The following NUP155 variants were observed in gnomAD, a reference collection of about 807,000 sequenced individuals.
The protein encoded by NUP155 is nuclear pore complex protein Nup155.
NUP155 carries 71 observed loss-of-function variants against 180.4 expected under a neutral mutation model. The ratio of observed to expected loss-of-function variants is 0.39; its 90% CI spans 0.33 to 0.48. The LOEUF (loss-of-function observed/expected upper bound fraction) is 0.48, where lower values mean the gene tolerates loss of function less well. Ranked by LOEUF, NUP155 falls within the 20% of genes least tolerant of loss-of-function variation. NUP155 has a pLI of 0.91. For missense variants in NUP155, 1,553 were observed against 1,648.9 expected, an observed-to-expected ratio of 0.94 and a Z score of 1.01; for synonymous variants, 582 against 559.5, an observed-to-expected ratio of 1.04 and a Z score of -0.57.
At chr5:37,325,349 C>G (rs750223563) in intron 19 of NUP155, among the ~76,000 whole-genome samples, 2 of 152,112 alleles carry the variant, frequency 1.3e-5, no homozygotes. Flanking sequence ...CCTTCTTTTA[C>G]CATGAGGTAT....
intron 10 of NUP155, among the ~76,000 whole-genome samples, chr5:37,342,010 T>C (rs1178423844): frequency 6.6e-6 from 1 of 152,234 alleles, no homozygotes; most frequent in African/African-American, 2.4e-5. Flanking sequence ...TGTCAGCCAC[T>C]GCGCCTTTTA....
At chr5:37,342,772 T>A in intron 9 of NUP155, 126 bp from the exon 10 acceptor site, 1 of 678,658 alleles carries the variant, frequency 1.5e-6, no homozygotes, top group South Asian at 1.6e-5. Context: ...AGTCTCACTC[T>A]GTCACCCAGG....
At chr5:37,314,164 A>C in intron 22 of NUP155, 34 bp downstream of exon 22, 1 of 1,468,512 alleles carries the variant, frequency 6.8e-7, no homozygotes, top group Non-Finnish European at 9.5e-7. Context: ...ACATAGTATT[A>C]ATGGTATAAT....
At chr5:37,331,562 G>A (rs961909032) in intron 14 of NUP155, 123 bp downstream of exon 14, 7 of 488,554 alleles carry the variant, frequency 1.4e-5, no homozygotes, top group South Asian at 6.3e-5. Flanking sequence ...CAACAAGAGC[G>A]AAACTCCATC....
In NUP155 at chr5:37,288,778, G is replaced by GTGGGGGGGA. The variant is rs1742122811; in HGVS notation, c.*3121_*3122insTCCCCCCCA. 7.6e-6 allele frequency: 1 copy of GTGGGGGGGA among 130,780 alleles called. No homozygotes were observed. Among genetic ancestry groups the GTGGGGGGGA allele is most frequent in the Non-Finnish European group, 1.7e-5 (1 of 59,642 alleles). 8.1% of individuals were successfully genotyped at this position (130,780 alleles called of 1,614,324 possible). On this transcript the variant is annotated 3_prime_UTR_variant, in exon 35 of 35. Transcript: ENST00000231498. ...AAAAAAAAAAAAAAAAGTAGGGGGG[G>GTGGGGGGGA]TGGGGCTAGGCGCAGTGGCTCATGC... is the stretch of plus-strand genomic sequence containing the variant.
In NUP155 at chr5:37,332,313, C is replaced by CTTTTTTT. The variant is rs1021002313; in HGVS notation, c.1519-525_1519-519dup. On this transcript the variant is annotated intron_variant, in intron 13 of 34. Coordinates refer to ENST00000231498, the MANE Select transcript of NUP155 (RefSeq NM_153485.3). ...GCAATTGAGGTTTCTGCCATTACAGCTTTTTTTTTTTTTTTTTTTTTTTTT... is the reference window on the plus strand; with the variant it reads ...GCAATTGAGGTTTCTGCCATTACAGCTTTTTTTTTTTTTTTTTTTTTTTTTTTTTTTT... Among the ~76,000 whole-genome samples the CTTTTTTT allele has an allele frequency of 1.3e-3, 114 of 87,704 alleles. 16 individuals carry two copies. Among genetic ancestry groups the CTTTTTTT allele is most frequent in the African/African-American group, 6.0e-3 (106 of 17,718 alleles). 57.5% of individuals were successfully genotyped at this position (87,704 alleles called of 152,430 possible).
In NUP155 at chr5:37,337,924, AG is replaced by A. The variant is rs1285315005; in HGVS notation, c.1247-7del. The A allele has an allele frequency of 2.7e-6, 4 of 1,463,864 alleles. No homozygotes were observed. Among genetic ancestry groups the A allele is most frequent in the Non-Finnish European group, 3.8e-6 (4 of 1,044,972 alleles). The allele number at this position is 1,463,864 out of a possible 1,614,324, so 90.7% of individuals were successfully genotyped here. A position where few individuals can be genotyped will look rare whatever the true frequency, so the allele number is the denominator to read the frequency against. ...GGCTGCCATCAATAGAATACCTAAA[AG>A]TTTAATATACAAAATATTATTACAT... On this transcript the variant is annotated splice_polypyrimidine_tract_variant and splice_region_variant and intron_variant, in intron 11 of 34. Transcript: ENST00000231498.
intron 12 of NUP155, 47 bp from the exon 13 acceptor site, chr5:37,333,680 A>G: frequency 7.0e-7 from 1 of 1,425,678 alleles, no homozygotes; most frequent in East Asian, 2.3e-5. Flanking sequence ...GAAGTTACAT[A>G]ATGCAAAAGA....
intron 11 of NUP155, among the ~76,000 whole-genome samples, chr5:37,338,418 T>C (rs1745493197): frequency 6.6e-6 from 1 of 150,942 alleles, no homozygotes; most frequent in Non-Finnish European, 1.5e-5. Context: ...ATCTTTTTTT[T>C]TTTTTTTTGA....
chr5:37,349,323 A>G, intron 7 of NUP155, 78 bp from the exon 8 acceptor site: 2 of 467,372 alleles, frequency 4.3e-6, no homozygotes, highest in Non-Finnish European at 7.8e-6. Context: ...GCTAGTTACA[A>G]CAAACTGTTG....
Position 37,295,704 on chromosome 5 carries a change from G to A in NUP155, c.3794-1239C>T, listed in dbSNP as rs170105. Among the ~76,000 whole-genome samples, 1,462 of 150,496 alleles carry A rather than the reference G, an allele frequency of 9.7e-3. 28 individuals carry two copies. Among genetic ancestry groups the A allele is most frequent in the African/African-American group, 0.034 (1,378 of 40,920 alleles). ...GGGAGCGCCTCTGCCCTGTCGCCCC[G>A]TCCGGGATGTGAGGAGCGTCTCTGC... On this transcript the variant is annotated intron_variant, in intron 32 of 34. Transcript: ENST00000231498.
chr5:37,341,380 G>A, intron 10 of NUP155, 138 bp from the exon 11 acceptor site: 1 of 775,230 alleles, frequency 1.3e-6, no homozygotes, highest in Non-Finnish European at 2.2e-6. Context: ...TTTATTTTTG[G>A]AGATGGAGTC....
chr5:37,350,819 T>TAAAAAAAAAAAAAAAAAAAAAAAAAAA (rs57132136), intron 6 of NUP155, among the ~76,000 whole-genome samples: 1 of 100,492 alleles, frequency 1.0e-5, no homozygotes. Flanking sequence ...CCATCACATT[T>TAAAAAAAAAAAAAAAAAAAAAAAAAAA]AAAAAAAAAA....
intron 15 of NUP155, 86 bp downstream of exon 15, chr5:37,329,952 G>A: frequency 1.0e-6 from 1 of 954,718 alleles, no homozygotes; most frequent in Non-Finnish European, 1.7e-6. Flanking sequence ...CAACTGTTTG[G>A]CAAGGCTTTA....
In NUP155 at chr5:37,289,866, A is replaced by C. The variant is rs915045471; in HGVS notation, c.*2034T>G. On this transcript the variant is annotated 3_prime_UTR_variant, in exon 35 of 35. Transcript: ENST00000231498. ...GTAGACATGACAGAATTTTAAATTT[A>C]TAAAACGAATTAATGTATCGCATAC... is the stretch of plus-strand genomic sequence containing the variant. 9 of 152,230 alleles carry C rather than the reference A, an allele frequency of 5.9e-5. No homozygotes were observed. Among genetic ancestry groups the C allele is most frequent in the Admixed American group, 5.9e-4 (9 of 15,280 alleles). The allele number at this position is 152,230 out of a possible 1,614,324, so 9.4% of individuals were successfully genotyped here.
At chr5:37,307,571 G>A (rs1034497776) in intron 24 of NUP155, 139 bp from the exon 25 acceptor site, 1 of 837,668 alleles carries the variant, frequency 1.2e-6, no homozygotes, top group East Asian at 2.6e-5. Flanking sequence ...AAATATTTCT[G>A]ATAGGTCTTC....
intron 32 of NUP155, among the ~76,000 whole-genome samples, chr5:37,297,901 A>G (rs1450796299): frequency 6.6e-6 from 1 of 151,074 alleles, no homozygotes; most frequent in Non-Finnish European, 1.5e-5. Flanking sequence ...CCTAAGTCAG[A>G]GATGGTCTGT....
rs1746307082 is a variant in NUP155 at position 37,349,251 on chromosome 5, AG to A, written c.830-7del. The A allele has an allele frequency of 6.2e-6, 5 of 812,212 alleles. No homozygotes were observed. The highest frequency in any genetic ancestry group is 9.6e-6 in the Non-Finnish European group (5 of 520,994). 50.3% of individuals were successfully genotyped at this position (812,212 alleles called of 1,614,324 possible). On this transcript the variant is annotated splice_region_variant and splice_polypyrimidine_tract_variant and intron_variant, in intron 7 of 34. Coordinates refer to ENST00000231498, the MANE Select transcript of NUP155 (RefSeq NM_153485.3). ...TGCAATTTGAAGAATAGGATCTAAA[AG>A]TAAGACAAAAAAAAAAAAGAGAAAA... is the stretch of plus-strand genomic sequence containing the variant.
At chr5:37,350,296 AAAAGT>A in intron 6 of NUP155, 31 bp from the exon 7 acceptor site, 1 of 1,425,134 alleles carries the variant, frequency 7.0e-7, no homozygotes. Context: ...GACGACTTAT[AAAAGT>A]ATGTAACTCC....
Sources: gnomAD v4.1 joint callset for allele counts (sites outside exome capture counted in the v4.1 genomes callset) on GRCh38, gnomAD v4.1.1 for gene constraint, MANE v1.5 for transcripts, NCBI Gene and HGNC (gene_info 2026-07-23, HGNC 2026-07-21) for gene names.